TMEFF2: variants seen among roughly 807,000 people sequenced by gnomAD.
TMEFF2 encodes the protein tomoregulin-2.
A neutral mutation model predicts 53.8 loss-of-function variants in TMEFF2; 28 were observed. The observed-to-expected ratio is 0.52, with a 90% CI of 0.39 to 0.71. The LOEUF (loss-of-function observed/expected upper bound fraction) is 0.71. Among genes scored for constraint, TMEFF2 ranks in the 30% least tolerant of loss-of-function variants. The pLI, the probability that TMEFF2 is intolerant of heterozygous loss-of-function variation, is 0.00. For missense variants in TMEFF2, 353 were observed against 455.2 expected, an observed-to-expected ratio of 0.78 and a Z score of 2.04; for synonymous variants, 162 against 166.3, an observed-to-expected ratio of 0.97 and a Z score of 0.20.
Position 192,188,877 on chromosome 2 carries a change from ATCTATCTG to A in TMEFF2, c.282+2995_282+3002del, listed in dbSNP as rs768113114. 5.9e-3 allele frequency among the ~76,000 whole-genome samples: 789 copies of A among 133,122 alleles called. 2 individuals carry two copies. Among genetic ancestry groups the A allele is most frequent in the Non-Finnish European group, 8.3e-3 (514 of 61,674 alleles). The allele number at this position is 133,122 out of a possible 152,430, so 87.3% of individuals were successfully genotyped here. On this transcript the variant is annotated intron_variant, in intron 2 of 9. Transcript: ENST00000272771. ...TATCTATCTATCTATCTATCTATCT[ATCTATCTG>A]TCCATCTACTGTCTCCAAATTTTCA...
chr2:192,102,175 C>T (rs1369416077), intron 4 of TMEFF2, among the ~76,000 whole-genome samples: 1 of 151,978 alleles, frequency 6.6e-6, no homozygotes, highest in Non-Finnish European at 1.5e-5. Context: ...ATACTAAGAA[C>T]CTATTATCAC....
intron 5 of TMEFF2, among the ~76,000 whole-genome samples, chr2:192,011,671 C>T: frequency 6.6e-6 from 1 of 152,090 alleles, no homozygotes; most frequent in East Asian, 1.9e-4. Flanking sequence ...AACCAACAAG[C>T]TATTGACAAA....
intron 2 of TMEFF2, among the ~76,000 whole-genome samples, chr2:192,187,245 C>T (rs1691337602): frequency 1.3e-5 from 2 of 152,058 alleles, no homozygotes; most frequent in South Asian, 4.1e-4. Flanking sequence ...GGTTTATAGC[C>T]TAGTTTTCCC....
chr2:191,985,742 T>A (rs1685961201), intron 7 of TMEFF2, among the ~76,000 whole-genome samples: 1 of 152,246 alleles, frequency 6.6e-6, no homozygotes, highest in East Asian at 1.9e-4. Context: ...GTCTTGCTCG[T>A]TTATCATTTC....
In TMEFF2 at chr2:191,949,671, A is replaced by AAAAC; in HGVS notation, c.*636_*639dup. On this transcript the variant is annotated 3_prime_UTR_variant, in exon 10 of 10. Transcript: ENST00000272771. ...TCTTTCCCTCTCCTTTATGAGTTAT[A>AAAAC]AAACACTTTCCCTCCCCTTCTTCTT... The AAAAC allele has an allele frequency of 1.0e-6, 1 of 985,316 alleles. No homozygotes were observed. The allele number at this position is 985,316 out of a possible 1,614,324, so 61.0% of individuals were successfully genotyped here.
intron 7 of TMEFF2, among the ~76,000 whole-genome samples, chr2:191,978,551 T>C (rs1439791397): frequency 2.0e-5 from 3 of 152,170 alleles, no homozygotes; most frequent in Non-Finnish European, 2.9e-5. Flanking sequence ...TTCTTCCCCA[T>C]TGATACCTTA....
chr2:192,132,683 C>T (rs1689874775), intron 4 of TMEFF2, among the ~76,000 whole-genome samples: 1 of 152,162 alleles, frequency 6.6e-6, no homozygotes, highest in Admixed American at 6.5e-5. Flanking sequence ...GGCCCGCTTC[C>T]CCCAGGAGCT....
At chr2:192,172,206 CT>C (rs5837292) in intron 4 of TMEFF2, among the ~76,000 whole-genome samples, 18 of 148,380 alleles carry the variant, frequency 1.2e-4, no homozygotes, top group Admixed American at 4.0e-4. Flanking sequence ...CGCTGTGTAG[CT>C]TTTTTTTTTT....
intron 4 of TMEFF2, among the ~76,000 whole-genome samples, chr2:192,152,250 T>A (rs927347444): frequency 6.6e-6 from 1 of 151,880 alleles, no homozygotes; most frequent in Non-Finnish European, 1.5e-5. Flanking sequence ...AATATTATAC[T>A]AAATGCAAGG....
rs796267672 is a variant in TMEFF2, at chr2:192,075,332, T to TATATATATATACAC, written c.440-17558_440-17557insGTGTATATATATAT. 3.9e-4 allele frequency among the ~76,000 whole-genome samples: 34 copies of TATATATATATACAC among 88,146 alleles called. 3 individuals carry two copies. The highest frequency in any genetic ancestry group is 1.1e-3 in the African/African-American group (26 of 24,414). The allele number at this position is 88,146 out of a possible 152,430, so 57.8% of individuals were successfully genotyped here. Reference sequence around the variant, plus strand: ...ATATATATATATATATATATATATATACATACATACTATGTATATCCTTGC... The same window carrying TATATATATATACAC: ...ATATATATATATATATATATATATATATATATATATACACACATACATACTATGTATATCCTTGC... On this transcript the variant is annotated intron_variant, in intron 4 of 9. Coordinates refer to ENST00000272771, the MANE Select transcript of TMEFF2 (RefSeq NM_016192.4).
chr2:191,980,853 C>T (rs765209120), intron 7 of TMEFF2, among the ~76,000 whole-genome samples: 12 of 152,110 alleles, frequency 7.9e-5, no homozygotes, highest in Non-Finnish European at 1.5e-4. Flanking sequence ...CCAGATGAAC[C>T]AGGAACCTTC....
chr2:191,999,344 T>G, intron 5 of TMEFF2, 136 bp from the exon 6 acceptor site: 1 of 612,624 alleles, frequency 1.6e-6, no homozygotes. Flanking sequence ...CCAGGGAAGT[T>G]CCTTCACTTT....
intron 4 of TMEFF2, among the ~76,000 whole-genome samples, chr2:192,062,915 TA>T (rs1250369020): frequency 6.6e-6 from 1 of 151,874 alleles, no homozygotes; most frequent in African/African-American, 2.4e-5. Context: ...AGAGTAGTAT[TA>T]TTTTTTATTC....
chr2:191,954,914 G>C (rs921968410), intron 8 of TMEFF2, among the ~76,000 whole-genome samples: 1 of 152,056 alleles, frequency 6.6e-6, no homozygotes, highest in African/African-American at 2.4e-5. Context: ...CATTGATTTT[G>C]TGGAACTATT....
intron 5 of TMEFF2, among the ~76,000 whole-genome samples, chr2:192,000,351 A>G (rs1311860566): frequency 6.6e-6 from 1 of 152,074 alleles, no homozygotes; most frequent in Non-Finnish European, 1.5e-5. Flanking sequence ...GCTTTATTTA[A>G]TCCTCACAAC....
chr2:192,118,946 A>G (rs1254331625), intron 4 of TMEFF2, among the ~76,000 whole-genome samples: 2 of 152,166 alleles, frequency 1.3e-5, no homozygotes, highest in African/African-American at 4.8e-5. Context: ...ACTACTTGAC[A>G]ATACAAGTTC....
chr2:192,191,313 C>T (rs967925447), intron 2 of TMEFF2, among the ~76,000 whole-genome samples: 1 of 151,986 alleles, frequency 6.6e-6, no homozygotes, highest in Admixed American at 6.5e-5. Flanking sequence ...TTCTGGATTC[C>T]TAGGGGATTC....
intron 5 of TMEFF2, chr2:192,032,686 C>T (rs1388176473): frequency 2.0e-5 from 3 of 152,186 alleles, no homozygotes; most frequent in African/African-American, 7.2e-5. Flanking sequence ...GAAGCCTGGG[C>T]TCTGGAGCCA....
intron 7 of TMEFF2, among the ~76,000 whole-genome samples, chr2:191,980,237 A>C (rs143925760): frequency 6.6e-6 from 1 of 152,316 alleles, no homozygotes; most frequent in East Asian, 1.9e-4. Context: ...AGGAAATAAT[A>C]CACTATTGGC....
Sources: gnomAD v4.1 joint callset for allele counts (sites outside exome capture counted in the v4.1 genomes callset) on GRCh38, gnomAD v4.1.1 for gene constraint, MANE v1.5 for transcripts, NCBI Gene and HGNC (gene_info 2026-07-23, HGNC 2026-07-21) for gene names.